The following FBXO3 variants were observed in gnomAD, a reference collection of about 807,000 sequenced individuals.
FBXO3 encodes the protein F-box protein 3, also known as F-box only protein 3.
FBXO3 carries 17 observed loss-of-function variants against 64.8 expected under a neutral mutation model. The ratio of observed to expected loss-of-function variants is 0.26; its 90% CI spans 0.18 to 0.39. FBXO3 has a LOEUF of 0.39. Among genes scored for constraint, FBXO3 ranks in the 10% least tolerant of loss-of-function variants. The pLI, the probability that FBXO3 is intolerant of heterozygous loss-of-function variation, is 1.00. For synonymous variants in FBXO3, 182 were observed against 201.6 expected, an observed-to-expected ratio of 0.90 and a Z score of 0.82; for missense variants, 420 against 589.9, an observed-to-expected ratio of 0.71 and a Z score of 2.98.
At chr11:33,757,144 T>C (rs1714875431) in intron 4 of FBXO3, 1 of 509,388 alleles carries the variant, frequency 2.0e-6, no homozygotes. Context: ...ATTCTTCACA[T>C]ACAAAGGAAC....
chr11:33,743,135 AG>A lies in FBXO3; in HGVS notation c.1240-1052del, dbSNP rs1163300935. ...TCAGGGTGTCAAAGACACATGTCCC[AG>A]GAGAGAAAGACAGAACCCTAGGCTG... On this transcript the variant is annotated intron_variant, in intron 10 of 10. Coordinates refer to ENST00000265651, the MANE Select transcript of FBXO3 (RefSeq NM_012175.4). This position sits in a 1 kb window ranked among gnomAD's most constrained non-coding sequence, Gnocchi z 4.6. 1 of 152,248 alleles carries A rather than the reference AG, an allele frequency of 6.6e-6. No homozygotes were observed. Among genetic ancestry groups the A allele is most frequent in the East Asian group, 1.9e-4 (1 of 5,200 alleles). The allele number at this position is 152,248 out of a possible 1,614,324, so 9.4% of individuals were successfully genotyped here.
At chr11:33,742,919 T>C (rs1190723246) in intron 10 of FBXO3, 4 of 152,254 alleles carry the variant, frequency 2.6e-5, no homozygotes, top group Non-Finnish European at 5.9e-5. Context: ...TGCAGTCCGA[T>C]GGTAGCTGGA....
At chr11:33,766,988 CAA>C (rs67370716) in intron 3 of FBXO3, among the ~76,000 whole-genome samples, 4 of 55,168 alleles carry the variant, frequency 7.3e-5, no homozygotes, top group African/African-American at 6.7e-5. Context: ...ATTCATGCAC[CAA>C]AAAAAAAAAA....
At chr11:33,762,169 C>A (rs1855259129) in intron 3 of FBXO3, among the ~76,000 whole-genome samples, 3 of 152,174 alleles carry the variant, frequency 2.0e-5, no homozygotes, top group Admixed American at 2.0e-4. Context: ...AATTTTGGGA[C>A]TATCTCAGAA....
intron 1 of FBXO3, 99 bp downstream of exon 1, chr11:33,774,295 G>T: frequency 1.9e-6 from 2 of 1,050,342 alleles, no homozygotes; most frequent in South Asian, 1.5e-5. Flanking sequence ...TGGTGTCGCG[G>T]AAGCTCGGGT....
At chr11:33,769,565 G>A (rs867539170) in intron 2 of FBXO3, among the ~76,000 whole-genome samples, 21 of 152,286 alleles carry the variant, frequency 1.4e-4, no homozygotes, top group African/African-American at 4.8e-4. Flanking sequence ...AAAAAGGTAA[G>A]AGTCTAACCA....
At chr11:33,768,743 G>A (rs1467539816) in intron 3 of FBXO3, 108 bp downstream of exon 3, 2 of 1,265,602 alleles carry the variant, frequency 1.6e-6, no homozygotes, top group Non-Finnish European at 2.3e-6. Context: ...CACAGACAAA[G>A]TTGGGTTAAC....
intron 8 of FBXO3, 128 bp from the exon 9 acceptor site, chr11:33,749,020 T>A (rs1854886838): frequency 8.1e-6 from 4 of 495,882 alleles, no homozygotes; most frequent in Non-Finnish European, 1.4e-5. Context: ...CAACCCAAAG[T>A]CCATGTTAGC....
intron 3 of FBXO3, among the ~76,000 whole-genome samples, chr11:33,763,983 G>T (rs1855306306): frequency 1.3e-5 from 2 of 152,106 alleles, no homozygotes; most frequent in African/African-American, 4.8e-5. Flanking sequence ...ACCATCTTTT[G>T]AAGTTTAACA....
intron 9 of FBXO3, among the ~76,000 whole-genome samples, chr11:33,747,682 T>C (rs1854850910): frequency 6.6e-6 from 1 of 152,198 alleles, no homozygotes; most frequent in East Asian, 1.9e-4. Flanking sequence ...CAGCTCATTT[T>C]TGTATTTTTA....
chr11:33,754,329 C>A (rs1855036439), intron 6 of FBXO3, 126 bp downstream of exon 6: 1 of 711,354 alleles, frequency 1.4e-6, no homozygotes, highest in Admixed American at 3.3e-5. Flanking sequence ...AACCAGCAAA[C>A]CTTAAAGAAA....
intron 3 of FBXO3, among the ~76,000 whole-genome samples, chr11:33,762,188 A>G (rs1855259376): frequency 6.6e-6 from 1 of 152,344 alleles, no homozygotes; most frequent in South Asian, 2.1e-4. Context: ...AATTCTGCCT[A>G]CCACAGCAAT....
At chr11:33,772,892 A>G (rs1030689002) in intron 1 of FBXO3, 3 of 152,132 alleles carry the variant, frequency 2.0e-5, no homozygotes, top group Non-Finnish European at 2.9e-5. Flanking sequence ...TGGCAAATCA[A>G]TTCTGCAGGA....
chr11:33,742,880 T>C (rs1347201446), intron 10 of FBXO3: 1 of 152,104 alleles, frequency 6.6e-6, no homozygotes, highest in African/African-American at 2.4e-5. Flanking sequence ...TTCAGTGGGG[T>C]GGTTCTGGGT....
At position 33,770,783 on chromosome 11, in the gene FBXO3, G is replaced by A. The variant is rs569675025; in HGVS notation, c.152C>T (p.Pro51Leu). 1.2e-5 allele frequency: 20 copies of A among 1,611,014 alleles called. No homozygotes were observed. Among genetic ancestry groups the A allele is most frequent in the African/African-American group, 4.0e-5 (3 of 74,998 alleles). The part of the protein sequence containing the change: ...RRLSQLSSHD[P>L]LWRRHCKKYW... ...TTTTTTGCAATGTCTTCTCCACAGC[G>A]GATCATGACTTGATAGCTGGCTAAG... The change falls in exon 2 of 11, where the codon CCG (proline) becomes CTG (leucine). Residue 51 changes from proline to leucine, a missense_variant. Around this residue, in one of 3 missense-constraint regions of FBXO3, gnomAD observed 337 missense variants for 518.4 expected, o/e 0.65. Coordinates refer to ENST00000265651, the MANE Select transcript of FBXO3 (RefSeq NM_012175.4).
rs1855439714 is a variant in FBXO3, at chr11:33,768,880, C to G, written c.329G>C (p.Arg110Thr). ...WDDLKKYLEPRCPRMVLSLKE... is the reference protein window; with the variant it reads ...WDDLKKYLEPTCPRMVLSLKE... ...CAGAGATAAAACCATCCGAGGACACCTGGGCTCCAAATATTTCTTGAGATC... is the reference window on the plus strand; with the variant it reads ...CAGAGATAAAACCATCCGAGGACACGTGGGCTCCAAATATTTCTTGAGATC... Residue 110 changes from arginine to threonine, a missense_variant, in exon 3 of 11, where the codon AGG becomes ACG. Transcript: ENST00000265651. 1 of 1,614,024 alleles carries G rather than the reference C, an allele frequency of 6.2e-7. No homozygotes were observed. Among genetic ancestry groups the G allele is most frequent in the East Asian group, 2.2e-5 (1 of 44,862 alleles).
chr11:33,768,706 T>C lies in FBXO3; in HGVS notation c.358+145A>G, dbSNP rs1164995508. Reference sequence around the variant, plus strand: ...GTAAGCACTAGAGTGAAGGTCCTACTTCCATGGCCAAATATGAACAGTAAA... The same window carrying C: ...GTAAGCACTAGAGTGAAGGTCCTACCTCCATGGCCAAATATGAACAGTAAA... On this transcript the variant is annotated intron_variant, in intron 3 of 10. Coordinates refer to ENST00000265651, the MANE Select transcript of FBXO3 (RefSeq NM_012175.4). 5.4e-6 allele frequency: 5 copies of C among 926,434 alleles called. No individual in the cohort carries two copies. In the Admixed American group the frequency reaches 9.1e-5, roughly 17 times the overall value. The allele number at this position is 926,434 out of a possible 1,614,324, so 57.4% of individuals were successfully genotyped here.
chr11:33,766,344 C>T (rs576703778), intron 3 of FBXO3, among the ~76,000 whole-genome samples: 1 of 152,238 alleles, frequency 6.6e-6, no homozygotes, highest in African/African-American at 2.4e-5. Flanking sequence ...ATATTATAGC[C>T]CACACTCCAA....
rs759337587 is a variant in FBXO3, at chr11:33,750,566, G to C, written c.905C>G (p.Pro302Arg). The C allele has an allele frequency of 1.2e-6, 2 of 1,613,826 alleles. No homozygotes were observed. Among genetic ancestry groups the C allele is most frequent in the Non-Finnish European group, 1.7e-6 (2 of 1,179,836 alleles). ...GATTCGGTATGTGAAGAAATAGTGG[G>C]GTGGATGTACAGAGCTAAGTTCTGG... ...FLPELSSVHPPHYFFTYRIRI... is the reference protein window; with the variant it reads ...FLPELSSVHPRHYFFTYRIRI... Residue 302 changes from proline to arginine, a missense_variant, in exon 8 of 11, where the codon CCC (proline) becomes CGC (arginine). This residue lies in a region of FBXO3 where 337 missense variants were observed against 518.4 expected (regional missense o/e 0.65). Coordinates refer to ENST00000265651, the MANE Select transcript of FBXO3 (RefSeq NM_012175.4).
Sources: gnomAD v4.1 joint callset for allele counts (sites outside exome capture counted in the v4.1 genomes callset) on GRCh38, gnomAD v4.1.1 for gene constraint, gnomAD v4.1.1 regional missense constraint, Gnocchi (gnomAD v3.1) non-coding constraint, MANE v1.5 for transcripts, NCBI Gene and HGNC (gene_info 2026-07-23, HGNC 2026-07-21) for gene names.